The following DHX9 variants were observed in gnomAD, a reference collection of about 807,000 sequenced individuals.
DHX9 encodes ATP-dependent RNA helicase A.
Under a neutral mutation model 148.7 loss-of-function variants are expected in DHX9, and 27 were observed. The ratio of observed to expected loss-of-function variants is 0.18; its 90% confidence interval spans 0.13 to 0.25. The LOEUF is 0.25. Among genes scored for constraint, DHX9 ranks in the 10% least tolerant of loss-of-function variants. DHX9 has a pLI of 1.00. For synonymous variants in DHX9, 529 were observed against 516.6 expected (o/e 1.02, Z -0.33); for missense variants, 796 against 1,559.6 (o/e 0.51, Z 8.25).
At chr1:182,852,368 G>A (rs371036254) in intron 4 of DHX9, 24 bp downstream of exon 4, 27 of 1,504,362 alleles carry the variant, frequency 1.8e-5, no homozygotes, top group East Asian at 4.5e-5. Flanking sequence ...ATCCATGCAC[G>A]TGGTGGAGAA....
chr1:182,865,118 G>A (rs1470417422), intron 12 of DHX9, among the ~76,000 whole-genome samples: 1 of 152,198 alleles, frequency 6.6e-6, no homozygotes, highest in Non-Finnish European at 1.5e-5. Context: ...TAGTAGAAAA[G>A]GGGGACGATA....
Position 182,858,897 on chromosome 1 carries a change from G to A in DHX9, c.1062+3G>A, listed in dbSNP as rs780756520. The stretch of plus-strand genomic sequence containing the variant: ...TTGATGAGGGGCCTCTGGCTTTTGT[G>A]AGTGCAATATTGTTTTTGAGATCAG... On this transcript the variant is annotated splice_donor_region_variant and intron_variant, in intron 10 of 27. Coordinates refer to ENST00000367549, the MANE Select transcript of DHX9 (RefSeq NM_001357.5). 6 of 1,613,978 alleles carry A rather than the reference G, an allele frequency of 3.7e-6. No homozygotes were observed. The South Asian group carries it at 5.5e-5, about 15-fold the overall frequency.
intron 14 of DHX9, among the ~76,000 whole-genome samples, chr1:182,869,856 G>C (rs534921102): frequency 6.6e-5 from 10 of 152,252 alleles, no homozygotes; most frequent in African/African-American, 2.4e-4. Context: ...GCCTCAGCCT[G>C]CCAAAGTGCT....
At chr1:182,862,080 T>C (rs566094768) in intron 12 of DHX9, among the ~76,000 whole-genome samples, 1 of 152,164 alleles carries the variant, frequency 6.6e-6, no homozygotes, top group South Asian at 2.1e-4. Context: ...GTACTTCTTT[T>C]GGCACAGTCT....
At chr1:182,881,163 C>G (rs1179127275) in intron 22 of DHX9, 101 bp from the exon 23 acceptor site, 1 of 1,170,036 alleles carries the variant, frequency 8.5e-7, no homozygotes, top group Non-Finnish European at 1.2e-6. Flanking sequence ...AAAGTAGAAT[C>G]ATAGCCATAA....
rs182361431 is a variant in DHX9 at position 182,885,094 on chromosome 1, G to A, written c.3461+281G>A. On this transcript the variant is annotated intron_variant, in intron 27 of 27. Transcript: ENST00000367549. Reference sequence around the variant, plus strand: ...ATACATAGTTCAGAGTGGGTCACATGACAGGGAAGTGACACAGCCCAGATA... The same window carrying A: ...ATACATAGTTCAGAGTGGGTCACATAACAGGGAAGTGACACAGCCCAGATA... Among the ~76,000 whole-genome samples, 469 of 152,298 alleles carry A rather than the reference G, an allele frequency of 3.1e-3. 2 individuals carry two copies. The highest frequency in any genetic ancestry group is 5.6e-3 in the Non-Finnish European group (380 of 68,024).
At chr1:182,872,673 C>T (rs1648598098) in intron 15 of DHX9, among the ~76,000 whole-genome samples, 180 bp downstream of exon 15, 1 of 152,136 alleles carries the variant, frequency 6.6e-6, no homozygotes, top group African/African-American at 2.4e-5. Flanking sequence ...GTAGTGAGTA[C>T]AGTCTGAGAA....
Position 182,870,962 on chromosome 1 carries a change from C to G in DHX9, c.1558-1375C>G, listed in dbSNP as rs575529857. 2.0e-5 allele frequency among the ~76,000 whole-genome samples: 3 copies of G among 152,226 alleles called. No homozygotes were observed. In the East Asian group the frequency reaches 5.8e-4, roughly 29 times the overall value. ...TGTGTTTTACATACAGAGTACATCT[C>G]AATTCAGATTAATGCTACTGTATTG... On this transcript the variant is annotated intron_variant, in intron 14 of 27. Coordinates refer to ENST00000367549, the MANE Select transcript of DHX9 (RefSeq NM_001357.5).
chr1:182,845,945 C>T (rs892533028), intron 3 of DHX9, among the ~76,000 whole-genome samples: 8 of 152,220 alleles, frequency 5.3e-5, no homozygotes, highest in Non-Finnish European at 1.0e-4. Flanking sequence ...CCCTCCAAAC[C>T]CTGTCCTTTG....
At position 182,865,381 on chromosome 1, in the gene DHX9, T is replaced by C. The variant is rs563170551; in HGVS notation, c.1333-1063T>C. On this transcript the variant is annotated intron_variant, in intron 12 of 27. Transcript: ENST00000367549. ...TGAAAGTGCGTGTATATATAATGTG[T>C]TGATATTTAAACAGCTGATCTGACT... Among the ~76,000 whole-genome samples the C allele has an allele frequency of 1.2e-4, 18 of 152,332 alleles. No homozygotes were observed. The East Asian group carries it at 3.5e-3, about 29-fold the overall frequency.
intron 3 of DHX9, among the ~76,000 whole-genome samples, chr1:182,847,497 G>A (rs1421125540): frequency 6.6e-6 from 1 of 152,184 alleles, no homozygotes; most frequent in Non-Finnish European, 1.5e-5. Flanking sequence ...CCATGGAAGA[G>A]TCCTTCAGGT....
intron 19 of DHX9, 175 bp downstream of exon 19, chr1:182,877,078 A>G (rs16859797): frequency 0.042 from 21,008 of 502,080 alleles, 683 homozygotes; most frequent in African/African-American, 0.12. Context: ...ATTATTGTTG[A>G]TTACTGCAAA....
At chr1:182,853,263 C>A in intron 4 of DHX9, 43 bp from the exon 5 acceptor site, 1 of 1,366,334 alleles carries the variant, frequency 7.3e-7, no homozygotes, top group Non-Finnish European at 1.0e-6. Flanking sequence ...TAGGATTTTT[C>A]TACAGTTATG....
chr1:182,867,606 A>T (rs1648360588), intron 14 of DHX9, among the ~76,000 whole-genome samples: 1 of 152,118 alleles, frequency 6.6e-6, no homozygotes, highest in African/African-American at 2.4e-5. Context: ...TTTCATCATG[A>T]TGGTCAGGCT....
intron 14 of DHX9, among the ~76,000 whole-genome samples, 188 bp from the exon 15 acceptor site, chr1:182,872,149 C>G (rs1261344901): frequency 6.6e-6 from 1 of 152,198 alleles, no homozygotes; most frequent in Non-Finnish European, 1.5e-5. Flanking sequence ...TACAACTGTT[C>G]TCAAAAATTG....
intron 12 of DHX9, among the ~76,000 whole-genome samples, chr1:182,864,522 A>C (rs1181394702): frequency 6.6e-6 from 1 of 152,236 alleles, no homozygotes. Flanking sequence ...GCATTTTGCC[A>C]CACTCCCCTG....
intron 21 of DHX9, among the ~76,000 whole-genome samples, 181 bp downstream of exon 21, chr1:182,879,591 A>G (rs1348972933): frequency 3.3e-5 from 5 of 152,218 alleles, no homozygotes; most frequent in Non-Finnish European, 5.9e-5. Context: ...CTAATGAGCA[A>G]TGAGAAGGAA....
At chr1:182,869,400 G>T (rs1347227140) in intron 14 of DHX9, among the ~76,000 whole-genome samples, 2 of 151,930 alleles carry the variant, frequency 1.3e-5, no homozygotes. Flanking sequence ...TCTGGTTTGG[G>T]CCAGTCCTGA....
intron 3 of DHX9, among the ~76,000 whole-genome samples, chr1:182,845,303 G>A (rs948768460): frequency 6.6e-6 from 1 of 151,488 alleles, no homozygotes; most frequent in African/African-American, 2.4e-5. Flanking sequence ...TTGTAGATCT[G>A]CTAGTGACAA....
Sources: allele counts gnomAD v4.1 joint callset (sites outside exome capture counted in the v4.1 genomes callset), GRCh38; gene constraint gnomAD v4.1.1; transcripts MANE v1.5; gene names NCBI Gene and HGNC (gene_info 2026-07-23, HGNC 2026-07-21).